Variants in SUGP2 observed in about 807,000 individuals in gnomAD.
SUGP2 encodes the protein SURP and G-patch domain containing 2.
A neutral mutation model predicts 90.5 loss-of-function variants in SUGP2; 24 were observed. The observed-to-expected ratio is 0.27, with a 90% CI of 0.19 to 0.37. The LOEUF is 0.37. SUGP2 is among the 10% of genes least tolerant of loss of function. The probability of loss-of-function intolerance (pLI) is 1.00; values close to 1 mark genes in which losing one functional copy is unlikely to be tolerated. For missense variants in SUGP2, 1,233 were observed against 1,363.3 expected (o/e 0.90, Z 1.51); for synonymous variants, 473 against 513.4 (o/e 0.92, Z 1.06).
chr19:19,021,966 A>G (rs2058744404), intron 3 of SUGP2, among the ~76,000 whole-genome samples: 1 of 151,888 alleles, frequency 6.6e-6, no homozygotes, highest in Non-Finnish European at 1.5e-5. Context: ...CACCCAGCCC[A>G]TTCCAGCACT....
At chr19:18,998,429 G>A (rs563536404) in intron 8 of SUGP2, among the ~76,000 whole-genome samples, 7 of 151,358 alleles carry the variant, frequency 4.6e-5, no homozygotes, top group Non-Finnish European at 8.9e-5. Flanking sequence ...CGGGATTACA[G>A]GTGTAAGCCA....
intron 3 of SUGP2, 37 bp from the exon 4 acceptor site, chr19:19,019,266 T>A: frequency 6.3e-7 from 1 of 1,591,682 alleles, no homozygotes; most frequent in Non-Finnish European, 8.6e-7. Flanking sequence ...AGAAATATGC[T>A]GAATGTGGGC....
chr19:19,028,886 C>T (rs1174775247), intron 2 of SUGP2, among the ~76,000 whole-genome samples: 1 of 152,078 alleles, frequency 6.6e-6, no homozygotes, highest in African/African-American at 2.4e-5. Context: ...GGGGTTTCAC[C>T]ATGTTGGCCA....
intron 2 of SUGP2, among the ~76,000 whole-genome samples, chr19:19,029,135 T>G: frequency 6.7e-6 from 1 of 149,508 alleles, no homozygotes; most frequent in African/African-American, 2.4e-5. Flanking sequence ...CATGCCACCA[T>G]GCCCAGATAA....
chr19:19,009,687 A>G (rs1166837785), intron 5 of SUGP2, among the ~76,000 whole-genome samples, 168 bp downstream of exon 5: 1 of 152,204 alleles, frequency 6.6e-6, no homozygotes, highest in Non-Finnish European at 1.5e-5. Context: ...AGCTCTCTCA[A>G]GAAAGCAAGA....
chr19:19,033,511 CG>C lies in SUGP2; in HGVS notation c.-87del. Reference sequence around the variant, plus strand: ...CACCCGCCGCCGCCGCCGCGCGAGGCGGGGACATGCAAATGAACCAACGGTC... The same window carrying C: ...CACCCGCCGCCGCCGCCGCGCGAGGCGGGACATGCAAATGAACCAACGGTC... On this transcript the variant is annotated 5_prime_UTR_variant, in exon 1 of 11. Transcript: ENST00000452918. 3 of 1,403,950 alleles carry C rather than the reference CG, an allele frequency of 2.1e-6. No homozygotes were observed. Among genetic ancestry groups the C allele is most frequent in the Admixed American group, 2.8e-5 (1 of 35,172 alleles). The allele number at this position is 1,403,950 out of a possible 1,614,324, so 87.0% of individuals were successfully genotyped here. A position where few individuals can be genotyped will look rare whatever the true frequency, so the allele number is the denominator to read the frequency against.
At chr19:19,023,682 T>C (rs1381500502) in intron 3 of SUGP2, among the ~76,000 whole-genome samples, 22 of 152,186 alleles carry the variant, frequency 1.4e-4, no homozygotes, top group Non-Finnish European at 5.9e-5. Flanking sequence ...GTAGATCACT[T>C]GAGCTCAGGA....
intron 4 of SUGP2, 126 bp from the exon 5 acceptor site, chr19:19,010,468 T>C: frequency 3.0e-6 from 4 of 1,329,938 alleles, no homozygotes; most frequent in South Asian, 1.3e-5. Flanking sequence ...TCAGAGGCTC[T>C]GCCTGGCTCT....
intron 1 of SUGP2, among the ~76,000 whole-genome samples, chr19:19,032,625 C>A (rs539640829): frequency 1.3e-5 from 2 of 152,208 alleles, no homozygotes; most frequent in Non-Finnish European, 2.9e-5. Context: ...GATCTCCCAA[C>A]CACCCACTGA....
chr19:19,025,468 G>C lies in SUGP2; in HGVS notation c.880C>G (p.Pro294Ala). The C allele has an allele frequency of 6.2e-7, 1 of 1,614,166 alleles. No homozygotes were observed. Among genetic ancestry groups the C allele is most frequent in the African/African-American group, 1.3e-5 (1 of 75,038 alleles). ...TNPGTEDIQF[P>A]IQKIPLGLDL... Reference sequence around the variant, plus strand: ...AGCCCCAGAGGGATCTTCTGAATGGGGAACTGGATATCTTCTGTCCCTGGG... The same window carrying C: ...AGCCCCAGAGGGATCTTCTGAATGGCGAACTGGATATCTTCTGTCCCTGGG... The change falls in exon 3 of 11, where the codon CCC (proline) becomes GCC (alanine). Residue 294 changes from proline to alanine, a missense_variant. Around this residue, in one of 8 missense-constraint regions of SUGP2, gnomAD observed 418 missense variants for 399.9 expected, o/e 1.05. Coordinates refer to ENST00000452918, the MANE Select transcript of SUGP2 (RefSeq NM_001017392.5).
At chr19:19,026,770 G>C (rs1599569386) in intron 2 of SUGP2, among the ~76,000 whole-genome samples, 1 of 152,202 alleles carries the variant, frequency 6.6e-6, no homozygotes, top group South Asian at 2.1e-4. Context: ...CGTGAGGCTA[G>C]AGGAACCATA....
At chr19:19,019,020 ACC>A in intron 4 of SUGP2, 87 bp downstream of exon 4, 1 of 1,427,742 alleles carries the variant, frequency 7.0e-7, no homozygotes, top group East Asian at 2.4e-5. Context: ...CAAGTATCTC[ACC>A]CTCTGCTCTC....
intron 4 of SUGP2, among the ~76,000 whole-genome samples, chr19:19,018,000 T>C (rs1037171154): frequency 6.6e-6 from 1 of 151,618 alleles, no homozygotes; most frequent in Non-Finnish European, 1.5e-5. Flanking sequence ...TCCCAGCACT[T>C]TGGGAGGCCA....
chr19:19,024,610 T>TTTCC lies in SUGP2; in HGVS notation c.1729+5_1729+8dup. Reference sequence around the variant, plus strand: ...AACAACAAATAGAAACTTTGGCTGATTTCCTTACCATCACTCAGACTACTT... The same window carrying TTTCC: ...AACAACAAATAGAAACTTTGGCTGATTTCCTTCCTTACCATCACTCAGACTACTT... On this transcript the variant is annotated intron_variant, in intron 3 of 10. Coordinates refer to ENST00000452918, the MANE Select transcript of SUGP2 (RefSeq NM_001017392.5). 1 of 1,582,104 alleles carries TTTCC rather than the reference T, an allele frequency of 6.3e-7. No homozygotes were observed.
At chr19:19,014,663 C>A (rs1397943854) in intron 4 of SUGP2, among the ~76,000 whole-genome samples, 1 of 150,898 alleles carries the variant, frequency 6.6e-6, no homozygotes, top group East Asian at 1.9e-4. Flanking sequence ...TAGCTGAATG[C>A]GGTGGTGTAC....
intron 7 of SUGP2, among the ~76,000 whole-genome samples, chr19:19,003,818 G>T (rs112488306): frequency 6.6e-6 from 1 of 152,132 alleles, no homozygotes; most frequent in African/African-American, 2.4e-5. Context: ...CAGCACCCTG[G>T]GCCTTCCAGG....
At chr19:19,011,888 T>C (rs1198343413) in intron 4 of SUGP2, among the ~76,000 whole-genome samples, 2 of 152,186 alleles carry the variant, frequency 1.3e-5, no homozygotes, top group Non-Finnish European at 2.9e-5. Flanking sequence ...CTTTTGTGAA[T>C]ATTTGATTTC....
At position 19,012,063 on chromosome 19, in the gene SUGP2, C is replaced by T. The variant is rs183015060; in HGVS notation, c.1851-1721G>A. ...GTGGCTGTGTGTTGCACAGCATTGG[C>T]AGCACTGTGTGATGTGGCATGTCCC... is the stretch of plus-strand genomic sequence containing the variant. On this transcript the variant is annotated intron_variant, in intron 4 of 10. Coordinates refer to ENST00000452918, the MANE Select transcript of SUGP2 (RefSeq NM_001017392.5). Among the ~76,000 whole-genome samples the T allele has an allele frequency of 1.3e-3, 191 of 152,288 alleles. 2 individuals are homozygous for T. Among genetic ancestry groups the T allele is most frequent in the Admixed American group, 1.8e-3 (27 of 15,290 alleles).
rs1274022383 is a variant in SUGP2, at chr19:19,025,910, T to C, written c.438A>G (p.Gln146=). 5 of 1,614,090 alleles carry C rather than the reference T, an allele frequency of 3.1e-6. No individual in the cohort carries two copies. In the East Asian group the frequency reaches 8.9e-5, roughly 29 times the overall value. Residue 146 remains glutamine, a synonymous_variant, in exon 3 of 11, where the codon CAA becomes CAG. Coordinates refer to ENST00000452918, the MANE Select transcript of SUGP2 (RefSeq NM_001017392.5). ...WKFALRGSWE[Q]DFGHPVSQES... ...CTTGAGAAACTGGATGGCCAAAGTC[T>C]TGTTCCCAAGAACCACGGAGCGCAA...
Sources: gnomAD v4.1 joint callset for allele counts (sites outside exome capture counted in the v4.1 genomes callset) on GRCh38, gnomAD v4.1.1 for gene constraint, gnomAD v4.1.1 regional missense constraint, MANE v1.5 for transcripts, NCBI Gene and HGNC (gene_info 2026-07-23, HGNC 2026-07-21) for gene names.